The following COL17A1 variants were observed in gnomAD, a reference collection of about 807,000 sequenced individuals.
COL17A1 encodes the protein collagen type XVII alpha 1 chain, also known as collagen alpha-1(XVII) chain.
COL17A1 carries 181 observed loss-of-function variants against 218.4 expected under a neutral mutation model. The ratio of observed to expected loss-of-function variants is 0.83; its 90% CI spans 0.73 to 0.94. The LOEUF (loss-of-function observed/expected upper bound fraction) is 0.94. COL17A1 is among the 40% of genes least tolerant of loss of function. The pLI, the probability that COL17A1 is intolerant of heterozygous loss-of-function variation, is 0.00. For missense variants in COL17A1, 1,924 were observed against 1,945.9 expected (o/e 0.99, Z 0.21); for synonymous variants, 721 against 731.0 (o/e 0.99, Z 0.22).
At chr10:104,057,589 C>T (rs557919730) in intron 16 of COL17A1, among the ~76,000 whole-genome samples, 7 of 151,132 alleles carry the variant, frequency 4.6e-5, no homozygotes, top group Non-Finnish European at 1.0e-4. Context: ...AAACCTAGAG[C>T]GTTCCCATCT....
At chr10:104,036,089 AGTGTGTGTGTATGGGAGT>A (rs1173369000) in intron 48 of COL17A1, among the ~76,000 whole-genome samples, 2 of 1,520 alleles carry the variant, frequency 1.3e-3, no homozygotes, top group East Asian at 0.026. Flanking sequence ...TGTGTATGGG[AGTGTGTGTGTATGGGAGT>A]GTGTGTGTAT....
intron 51 of COL17A1, 126 bp downstream of exon 51, chr10:104,034,495 C>G: frequency 6.7e-7 from 1 of 1,501,864 alleles, no homozygotes; most frequent in Non-Finnish European, 9.0e-7. Context: ...TGGAAGGAAA[C>G]CGGGCTTACC....
At chr10:104,047,615 T>A in intron 31 of COL17A1, 124 bp downstream of exon 31, 1 of 801,460 alleles carries the variant, frequency 1.2e-6, no homozygotes, top group Admixed American at 2.0e-5. Context: ...ACCATGCACA[T>A]ATACACCCCT....
At position 104,033,261 on chromosome 10, in the gene COL17A1, G is replaced by A. The variant is rs764015074; in HGVS notation, c.4271C>T (p.Ala1424Val). The change falls in exon 53 of 56, where the codon GCG becomes GTG. Residue 1424 changes from alanine (A) to valine (V), a missense_variant. Ala to Val is a moderately conservative substitution (Grantham distance 64). Transcript: ENST00000648076. The part of the protein sequence containing the change: ...KVFSAYSNVT[A>V]DLMDFFQTYG... ...ACTTTGGAAGAAGTCCATGAGGTCC[G>A]CAGTCACGTTGCTGTAGGCAGAGAA... The A allele has an allele frequency of 1.1e-5, 17 of 1,590,076 alleles. No individual in the cohort carries two copies. The highest frequency in any genetic ancestry group is 8.0e-5 in the African/African-American group (6 of 74,752).
intron 26 of COL17A1, 67 bp downstream of exon 26, chr10:104,050,781 G>C: frequency 6.2e-7 from 1 of 1,614,096 alleles, no homozygotes. Flanking sequence ...GCACTTGTCA[G>C]CCTGCATAGG....
chr10:104,032,640 A>AGG (rs1844701099), intron 55 of COL17A1, 34 bp downstream of exon 55: 1 of 1,599,904 alleles, frequency 6.3e-7, no homozygotes, highest in Non-Finnish European at 8.6e-7. Flanking sequence ...GCAGCCCTCC[A>AGG]GAACATGCAA....
intron 2 of COL17A1, among the ~76,000 whole-genome samples, chr10:104,080,285 G>A (rs534779287): frequency 9.2e-5 from 14 of 152,246 alleles, no homozygotes; most frequent in East Asian, 1.9e-4. Flanking sequence ...GATGTTATTC[G>A]TTTAGATTTC....
chr10:104,050,860 G>A lies in COL17A1; in HGVS notation c.2080C>T (p.Pro694Ser). 6.2e-7 allele frequency: 1 copy of A among 1,614,090 alleles called. No individual in the cohort carries two copies. The highest frequency in any genetic ancestry group is 8.5e-7 in the Non-Finnish European group (1 of 1,180,016). Residue 694 changes from proline to serine, a missense_variant, in exon 26 of 56, where the codon CCT becomes TCT. By Grantham distance (74) the Pro-to-Ser change is moderately conservative (BLOSUM62 -1). Coordinates refer to ENST00000648076, the MANE Select transcript of COL17A1 (RefSeq NM_000494.4). ...CCCTCCAGCTTACCTTTGACACCAG[G>A]AAGTCCTACTTCACCTCGGAGCCCT... ...LQGLRGEVGL[P>S]GVKGDKGPMG...
chr10:104,040,157 T>A (rs1342229585), intron 40 of COL17A1, among the ~76,000 whole-genome samples, 158 bp from the exon 41 acceptor site: 5 of 152,206 alleles, frequency 3.3e-5, no homozygotes, highest in African/African-American at 1.2e-4. Context: ...GTTGGGTGGC[T>A]ATCCTTTGTA....
At chr10:104,051,955 G>A (rs1232176073) in intron 24 of COL17A1, among the ~76,000 whole-genome samples, 200 bp downstream of exon 24, 2 of 152,156 alleles carry the variant, frequency 1.3e-5, no homozygotes, top group African/African-American at 4.8e-5. Context: ...CCATTATGGG[G>A]CTAAACTTAC....
intron 7 of COL17A1, 86 bp from the exon 8 acceptor site, chr10:104,072,165 C>T (rs2086675053): frequency 6.4e-7 from 1 of 1,574,144 alleles, no homozygotes; most frequent in South Asian, 1.1e-5. Context: ...AGCAGATGGC[C>T]CTTTAGGCTG....
Position 104,040,345 on chromosome 10 carries a change from T to C in COL17A1, c.2761+6A>G. On this transcript the variant is annotated splice_donor_region_variant and intron_variant, in intron 40 of 55. Coordinates refer to ENST00000648076, the MANE Select transcript of COL17A1 (RefSeq NM_000494.4). The stretch of plus-strand genomic sequence containing the variant: ...GCTTCTGGGTTCCCTGATACACTGT[T>C]CTCACCTTGGTCTCCCTTGGGACCT... 6.3e-7 allele frequency: 1 copy of C among 1,599,350 alleles called. No individual in the cohort carries two copies. The highest frequency in any genetic ancestry group is 1.3e-5 in the African/African-American group (1 of 74,664).
chr10:104,074,621 G>C (rs1044522275), intron 5 of COL17A1, among the ~76,000 whole-genome samples: 2 of 152,200 alleles, frequency 1.3e-5, no homozygotes, highest in Non-Finnish European at 2.9e-5. Context: ...ACCTTATGAG[G>C]CTTGTCCCAA....
At chr10:104,033,035 T>C in intron 53 of COL17A1, 67 bp from the exon 54 acceptor site, 1 of 1,573,958 alleles carries the variant, frequency 6.4e-7, no homozygotes. Context: ...ATCAAGTCAT[T>C]TGTTCAGAGT....
Position 104,049,152 on chromosome 10 carries a change from T to A in COL17A1, c.2227+257A>T, listed in dbSNP as rs533073924. Among the ~76,000 whole-genome samples, 20 of 152,156 alleles carry A rather than the reference T, an allele frequency of 1.3e-4. No individual in the cohort carries two copies. In the South Asian group the frequency reaches 3.9e-3, roughly 30 times the overall value. On this transcript the variant is annotated intron_variant, in intron 29 of 55. Transcript: ENST00000648076. ...TGTCTTCCCCAGGGGAGTGGGGAGCTCACAGGCAGCTCTTAGGTGAATGGA... is the reference window on the plus strand; with the variant it reads ...TGTCTTCCCCAGGGGAGTGGGGAGCACACAGGCAGCTCTTAGGTGAATGGA...
chr10:104,081,110 T>C (rs2086761276), intron 1 of COL17A1, among the ~76,000 whole-genome samples: 1 of 152,220 alleles, frequency 6.6e-6, no homozygotes, highest in Non-Finnish European at 1.5e-5. Flanking sequence ...CAATGTTCTT[T>C]ATGGAACTCT....
At position 104,032,049 on chromosome 10, in the gene COL17A1, T is replaced by C; in HGVS notation, c.*186A>G. 1 of 628,030 alleles carries C rather than the reference T, an allele frequency of 1.6e-6. No homozygotes were observed. The highest frequency in any genetic ancestry group is 2.9e-6 in the Non-Finnish European group (1 of 349,640). 38.9% of individuals were successfully genotyped at this position (628,030 alleles called of 1,614,324 possible). A position where few individuals can be genotyped will look rare whatever the true frequency, so the allele number is the denominator to read the frequency against. ...TCCACCCCATGAAGCTGTTTCAGAT[T>C]GTGTATCTTTGACTGAATTCTATAA... On this transcript the variant is annotated 3_prime_UTR_variant, in exon 56 of 56. Transcript: ENST00000648076.
intron 26 of COL17A1, 27 bp downstream of exon 26, chr10:104,050,821 G>A: frequency 6.2e-7 from 1 of 1,614,042 alleles, no homozygotes; most frequent in South Asian, 1.1e-5. Context: ...GACCCTCACT[G>A]TCCCCCCAGG....
At chr10:104,064,720 A>G (rs908748502) in intron 9 of COL17A1, 124 bp from the exon 10 acceptor site, 3 of 901,972 alleles carry the variant, frequency 3.3e-6, no homozygotes, top group Non-Finnish European at 5.4e-6. Context: ...CATTTCAGGA[A>G]CTTTCTCAGT....
Sources: allele counts gnomAD v4.1 joint callset (sites outside exome capture counted in the v4.1 genomes callset), GRCh38; gene constraint gnomAD v4.1.1; transcripts MANE v1.5; gene names NCBI Gene and HGNC (gene_info 2026-07-23, HGNC 2026-07-21).